The following PARL variants were observed in gnomAD, a reference collection of about 807,000 sequenced individuals.
PARL encodes the protein presenilin-associated rhomboid-like protein, mitochondrial.
Under a neutral mutation model 51.6 loss-of-function variants are expected in PARL, and 44 were observed. That is an observed-to-expected ratio of 0.85 (90% confidence interval 0.67 to 1.10). The LOEUF (loss-of-function observed/expected upper bound fraction) is 1.10. PARL is among the 50% of genes least tolerant of loss of function. The probability of loss-of-function intolerance (pLI) is 0.00; values close to 1 mark genes in which losing one functional copy is unlikely to be tolerated. For synonymous variants in PARL, 172 were observed against 164.0 expected, an observed-to-expected ratio of 1.05 and a Z score of -0.37; for missense variants, 441 against 469.5, an observed-to-expected ratio of 0.94 and a Z score of 0.56.
intron 1 of PARL, among the ~76,000 whole-genome samples, chr3:183,882,302 C>CACACACATATAT (rs1302399764): frequency 2.2e-5 from 2 of 90,214 alleles, no homozygotes; most frequent in Non-Finnish European, 4.7e-5. Flanking sequence ...CATATATATA[C>CACACACATATAT]ACACACATAT....
intron 7 of PARL, among the ~76,000 whole-genome samples, chr3:183,837,517 CATT>C (rs1728767980): frequency 6.6e-6 from 1 of 152,210 alleles, no homozygotes; most frequent in Non-Finnish European, 1.5e-5. Context: ...GCCACAGCGA[CATT>C]AGCAGAGGCA....
chr3:183,858,491 T>C (rs534867680), intron 4 of PARL, among the ~76,000 whole-genome samples: 93 of 152,306 alleles, frequency 6.1e-4, no homozygotes, highest in South Asian at 4.1e-3. Flanking sequence ...TTTCTTGCGA[T>C]CTCTCTCCCT....
chr3:183,851,422 T>C (rs1730533552), intron 4 of PARL, among the ~76,000 whole-genome samples: 2 of 152,102 alleles, frequency 1.3e-5, no homozygotes, highest in South Asian at 2.1e-4. Context: ...GGGTCTAGTA[T>C]CCAGAATATA....
At chr3:183,884,672 C>A in intron 1 of PARL, 50 bp downstream of exon 1, 1 of 1,559,896 alleles carries the variant, frequency 6.4e-7, no homozygotes, top group Non-Finnish European at 8.7e-7. Flanking sequence ...GATACACGGC[C>A]AGAGCTCAGG....
At chr3:183,873,707 TA>T (rs1317349523) in intron 1 of PARL, among the ~76,000 whole-genome samples, 1 of 152,138 alleles carries the variant, frequency 6.6e-6, no homozygotes, top group Non-Finnish European at 1.5e-5. Flanking sequence ...TCAATTCTAA[TA>T]AAAAACTACT....
At chr3:183,829,072 T>G (rs1727625751), downstream of PARL, among the ~76,000 whole-genome samples, 1 of 152,166 alleles carries the variant, frequency 6.6e-6, no homozygotes, top group Non-Finnish European at 1.5e-5. Context: ...AACCTGAAAA[T>G]AGCTTTTTGT....
intron 1 of PARL, chr3:183,879,727 G>A: frequency 4.1e-6 from 4 of 978,354 alleles, no homozygotes; most frequent in Non-Finnish European, 4.9e-6. Context: ...TCCTTTTTTT[G>A]GTGGGCGGGG....
intron 6 of PARL, among the ~76,000 whole-genome samples, chr3:183,841,229 C>T (rs1428931874): frequency 1.3e-5 from 2 of 152,172 alleles, no homozygotes; most frequent in Non-Finnish European, 2.9e-5. Flanking sequence ...TTTTTAAAAA[C>T]CTCCTATGGA....
chr3:183,882,097 G>C (rs968654598), intron 1 of PARL, among the ~76,000 whole-genome samples: 1 of 150,356 alleles, frequency 6.7e-6, no homozygotes, highest in African/African-American at 2.5e-5. Flanking sequence ...CCAGCTACTC[G>C]GGAGGCTGAG....
At chr3:183,841,297 G>T (rs71318344) in intron 6 of PARL, among the ~76,000 whole-genome samples, 5,871 of 152,134 alleles carry the variant, frequency 0.039, 159 homozygotes, top group Non-Finnish European at 0.06. Flanking sequence ...CTAGTGCTTG[G>T]GAAAGAACTA....
chr3:183,840,224 G>A (rs1362874514), intron 7 of PARL, among the ~76,000 whole-genome samples: 1 of 152,172 alleles, frequency 6.6e-6, no homozygotes, highest in Non-Finnish European at 1.5e-5. Context: ...TAAAGTACCA[G>A]ATTCAAATCT....
intron 9 of PARL, among the ~76,000 whole-genome samples, chr3:183,832,159 G>A (rs540418086): frequency 6.6e-6 from 1 of 151,864 alleles, no homozygotes; most frequent in African/African-American, 2.4e-5. Context: ...AATTATAAAT[G>A]GCATAATGGC....
chr3:183,853,958 G>A (rs527748523), intron 4 of PARL, among the ~76,000 whole-genome samples: 1 of 152,270 alleles, frequency 6.6e-6, no homozygotes, highest in East Asian at 1.9e-4. Flanking sequence ...AAAAGAATTG[G>A]CCAGGTGTGG....
chr3:183,855,363 G>A (rs1731029304), intron 4 of PARL, among the ~76,000 whole-genome samples: 1 of 152,152 alleles, frequency 6.6e-6, no homozygotes, highest in African/African-American at 2.4e-5. Flanking sequence ...CTAGACTCAA[G>A]CAATCCTCTG....
At chr3:183,877,037 C>A (rs947911913) in intron 1 of PARL, among the ~76,000 whole-genome samples, 1 of 152,130 alleles carries the variant, frequency 6.6e-6, no homozygotes, top group African/African-American at 2.4e-5. Context: ...CATGGTGAAA[C>A]CTCATCTTTA....
At chr3:183,833,625 A>T in intron 8 of PARL, 36 bp from the exon 9 acceptor site, 1 of 1,523,266 alleles carries the variant, frequency 6.6e-7, no homozygotes, top group Non-Finnish European at 9.1e-7. Flanking sequence ...CACAACTGTG[A>T]TTGCTCCAGC....
Position 183,883,470 on chromosome 3 carries a change from A to G in PARL, c.125+1252T>C, listed in dbSNP as rs1047700565. 12 of 297,214 alleles carry G rather than the reference A, an allele frequency of 4.0e-5. No individual in the cohort carries two copies. In the South Asian group the frequency reaches 7.8e-4, roughly 19 times the overall value. The allele number at this position is 297,214 out of a possible 1,614,324, so 18.4% of individuals were successfully genotyped here. On this transcript the variant is annotated intron_variant, in intron 1 of 9. Transcript: ENST00000317096. ...TTTTTAGTAGAGACGGGGTTTTGCAATGTTGGCCAGGCTGGTCTTGAACTC... is the reference window on the plus strand; with the variant it reads ...TTTTTAGTAGAGACGGGGTTTTGCAGTGTTGGCCAGGCTGGTCTTGAACTC...
intron 4 of PARL, among the ~76,000 whole-genome samples, chr3:183,851,304 T>C (rs1730522526): frequency 6.6e-6 from 1 of 152,058 alleles, no homozygotes; most frequent in African/African-American, 2.4e-5. Flanking sequence ...ATAGATAAAA[T>C]GAACTTCAGC....
chr3:183,865,178 C>T (rs1326523539), intron 3 of PARL, among the ~76,000 whole-genome samples: 4 of 151,920 alleles, frequency 2.6e-5, no homozygotes, highest in Non-Finnish European at 5.9e-5. Flanking sequence ...CATGGTGGCA[C>T]ACGCCTGTAG....
Sources: allele counts gnomAD v4.1 joint callset (sites outside exome capture counted in the v4.1 genomes callset), GRCh38; gene constraint gnomAD v4.1.1; transcripts MANE v1.5; gene names NCBI Gene and HGNC (gene_info 2026-07-23, HGNC 2026-07-21).